The following POC1A variants were observed in gnomAD, a reference collection of about 807,000 sequenced individuals.
POC1A encodes the protein POC1 centriolar protein A.
In POC1A, 34 loss-of-function variants were observed where a neutral mutation model predicts 47.8. The ratio of observed to expected loss-of-function variants is 0.71; its 90% CI spans 0.54 to 0.95. The LOEUF (loss-of-function observed/expected upper bound fraction) is 0.95, where lower values mean the gene tolerates loss of function less well. POC1A is among the 40% of genes least tolerant of loss of function. The probability of loss-of-function intolerance (pLI) is 0.00; values close to 1 mark genes in which losing one functional copy is unlikely to be tolerated. For synonymous variants in POC1A, 177 were observed against 207.6 expected (o/e 0.85, Z 1.27); for missense variants, 466 against 528.3 (o/e 0.88, Z 1.16).
intron 1 of POC1A, among the ~76,000 whole-genome samples, chr3:52,153,008 G>A (rs1395856568): frequency 6.6e-6 from 1 of 152,208 alleles, no homozygotes; most frequent in Non-Finnish European, 1.5e-5. Flanking sequence ...AGGGTTGGGA[G>A]AAAATGGGGA....
chr3:52,130,974 T>C (rs1334987663), intron 7 of POC1A, among the ~76,000 whole-genome samples: 1 of 148,848 alleles, frequency 6.7e-6, no homozygotes, highest in East Asian at 2.0e-4. Context: ...CAGCAGCGCC[T>C]GTGCAGGTCT....
intron 7 of POC1A, among the ~76,000 whole-genome samples, chr3:52,132,410 A>G (rs1182657993): frequency 6.6e-6 from 1 of 152,188 alleles, no homozygotes; most frequent in Non-Finnish European, 1.5e-5. Flanking sequence ...ATCCCCCACC[A>G]GACAAGGCTG....
At chr3:52,083,394 A>C (rs775208848) in intron 10 of POC1A, among the ~76,000 whole-genome samples, 1 of 152,090 alleles carries the variant, frequency 6.6e-6, no homozygotes, top group Non-Finnish European at 1.5e-5. Context: ...AGTGACGTAC[A>C]GTCCCTCATG....
At chr3:52,115,787 C>T (rs1471140395) in intron 9 of POC1A, among the ~76,000 whole-genome samples, 1 of 152,120 alleles carries the variant, frequency 6.6e-6, no homozygotes, top group Non-Finnish European at 1.5e-5. Flanking sequence ...TTGGACTTCC[C>T]AGCCTCCAGA....
intron 9 of POC1A, among the ~76,000 whole-genome samples, chr3:52,114,475 C>A (rs1018672190): frequency 1.3e-5 from 2 of 152,210 alleles, no homozygotes; most frequent in African/African-American, 4.8e-5. Context: ...CATGAGCATG[C>A]ATGTGCACAC....
chr3:52,102,988 T>C (rs1054962188), intron 9 of POC1A, among the ~76,000 whole-genome samples: 2 of 152,078 alleles, frequency 1.3e-5, no homozygotes, highest in Non-Finnish European at 2.9e-5. Context: ...ACCAAGACAC[T>C]GTGGTATTGG....
chr3:52,107,306 G>A (rs577317957), intron 9 of POC1A, among the ~76,000 whole-genome samples: 2 of 152,352 alleles, frequency 1.3e-5, no homozygotes, highest in Admixed American at 1.3e-4. Flanking sequence ...CACAGAGGGG[G>A]AGGACTGCAT....
At position 52,149,836 on chromosome 3, in the gene POC1A, G is replaced by A. The variant is rs1698495850; in HGVS notation, c.255C>T (p.Val85=). The A allele has an allele frequency of 1.2e-6, 2 of 1,613,650 alleles. No homozygotes were observed. Among genetic ancestry groups the A allele is most frequent in the East Asian group, 2.2e-5 (1 of 44,888 alleles). Reference sequence around the variant, plus strand: ...CTCACACATTGGGTACCCAGATGCGGACAGTCTTGTCTCGGGAGCCGGAAG... The same window carrying A: ...CTCACACATTGGGTACCCAGATGCGAACAGTCTTGTCTCGGGAGCCGGAAG... ...LLASGSRDKT[V]RIWVPNVKGE... The change falls in exon 3 of 11, where the codon GTC becomes GTT. Residue 85 remains valine, a synonymous_variant. Coordinates refer to ENST00000296484, the MANE Select transcript of POC1A (RefSeq NM_015426.5).
intron 7 of POC1A, 131 bp from the exon 8 acceptor site, chr3:52,125,312 T>C: frequency 1.4e-6 from 1 of 716,070 alleles, no homozygotes; most frequent in South Asian, 1.8e-5. Context: ...CAGCCCACAG[T>C]CCTCCGTAAC....
chr3:52,081,917 A>C (rs1173768114), intron 10 of POC1A, among the ~76,000 whole-genome samples: 1 of 152,146 alleles, frequency 6.6e-6, no homozygotes, highest in East Asian at 1.9e-4. Flanking sequence ...ACGAAGCACC[A>C]GTACCTGGTG....
chr3:52,095,552 C>T (rs1702787169), intron 10 of POC1A, among the ~76,000 whole-genome samples: 1 of 152,172 alleles, frequency 6.6e-6, no homozygotes, highest in Non-Finnish European at 1.5e-5. Context: ...TTTAACACCT[C>T]TTTTCCTCGT....
At chr3:52,142,391 A>G (rs1180197061) in intron 6 of POC1A, among the ~76,000 whole-genome samples, 1 of 152,198 alleles carries the variant, frequency 6.6e-6, no homozygotes, top group Non-Finnish European at 1.5e-5. Flanking sequence ...GATAGGCCAG[A>G]GCCAAGAAAC....
At chr3:52,139,152 A>C (rs560263376) in intron 6 of POC1A, among the ~76,000 whole-genome samples, 17 of 152,254 alleles carry the variant, frequency 1.1e-4, no homozygotes, top group African/African-American at 4.1e-4. Context: ...TCTTAACCAC[A>C]TTGAGCCTCA....
chr3:52,138,004 C>T (rs1434024602), intron 7 of POC1A, among the ~76,000 whole-genome samples, 165 bp downstream of exon 7: 6 of 152,196 alleles, frequency 3.9e-5, no homozygotes, highest in Admixed American at 6.5e-5. Context: ...TTCTCAGCTG[C>T]ACCAGTCCCA....
chr3:52,122,403 T>G lies in POC1A; in HGVS notation c.957A>C (p.Thr319=). 6.8e-6 allele frequency: 11 copies of G among 1,610,040 alleles called. No homozygotes were observed. Among genetic ancestry groups the G allele is most frequent in the Non-Finnish European group, 9.4e-6 (11 of 1,176,246 alleles). Residue 319 remains threonine (T), a synonymous_variant, in exon 9 of 11, where the codon ACA becomes ACC. Transcript: ENST00000296484. ...EVTKVPRPPA[T]LASSMGNLPE... The stretch of plus-strand genomic sequence containing the variant: ...CCAGATTCCCCATGGAGCTGGCCAG[T>G]GTGGCTGGGGGCCTCGGCACTTTCG...
intron 10 of POC1A, among the ~76,000 whole-genome samples, chr3:52,085,327 C>T (rs1702424793): frequency 6.6e-6 from 1 of 152,222 alleles, no homozygotes; most frequent in African/African-American, 2.4e-5. Flanking sequence ...CTCTCAGTCC[C>T]CATCCTCACA....
At chr3:52,148,078 G>A (rs1012946869) in intron 4 of POC1A, among the ~76,000 whole-genome samples, 4 of 152,360 alleles carry the variant, frequency 2.6e-5, no homozygotes, top group Admixed American at 6.5e-5. Context: ...CCGACTGCCT[G>A]CCGGCAACAT....
chr3:52,077,894 A>G (rs1702167235), intron 10 of POC1A, among the ~76,000 whole-genome samples: 2 of 152,020 alleles, frequency 1.3e-5, no homozygotes, highest in Non-Finnish European at 2.9e-5. Context: ...ACGTCAATAC[A>G]AGGGACTCCA....
intron 9 of POC1A, among the ~76,000 whole-genome samples, chr3:52,097,413 G>A (rs1460283660): frequency 1.3e-5 from 2 of 152,208 alleles, no homozygotes; most frequent in African/African-American, 4.8e-5. Context: ...GGGGCTTAGT[G>A]TTTCTGCGTA....
Sources: gnomAD v4.1 joint callset for allele counts (sites outside exome capture counted in the v4.1 genomes callset) on GRCh38, gnomAD v4.1.1 for gene constraint, MANE v1.5 for transcripts, NCBI Gene and HGNC (gene_info 2026-07-23, HGNC 2026-07-21) for gene names.